Variants in NELFB observed in about 807,000 individuals in gnomAD.
The protein encoded by NELFB is negative elongation factor B.
Under a neutral mutation model 60.2 loss-of-function variants are expected in NELFB, and 34 were observed. The ratio of observed to expected loss-of-function variants is 0.56; its 90% CI spans 0.43 to 0.75. The LOEUF is 0.75. Ranked by LOEUF, NELFB falls within the 30% of genes least tolerant of loss-of-function variation. The pLI, the probability that NELFB is intolerant of heterozygous loss-of-function variation, is 0.00. For synonymous variants in NELFB, 459 were observed against 382.1 expected, an observed-to-expected ratio of 1.20 and a Z score of -2.35; for missense variants, 770 against 831.6, an observed-to-expected ratio of 0.93 and a Z score of 0.91.
At chr9:137,264,160 C>A (rs1830490520) in intron 5 of NELFB, 85 bp from the exon 6 acceptor site, 1 of 1,025,796 alleles carries the variant, frequency 9.7e-7, no homozygotes, top group Non-Finnish European at 1.5e-6. Context: ...AACAAGAGGC[C>A]AGGGCCTGGA....
In NELFB at chr9:137,267,273, G is replaced by A. The variant is rs1246539046; in HGVS notation, c.1416G>A (p.Val472=). ...AGGAGCAGCGCATGGCCTGCGAGGTGGGGCTGTACTACGTCCTGCACATCA... is the reference window on the plus strand; with the variant it reads ...AGGAGCAGCGCATGGCCTGCGAGGTAGGGCTGTACTACGTCCTGCACATCA... Residue 472 remains valine (V), a synonymous_variant, in exon 10 of 13, where the codon GTG becomes GTA. Coordinates refer to ENST00000343053, the MANE Select transcript of NELFB (RefSeq NM_015456.5). The A allele has an allele frequency of 1.2e-6, 2 of 1,613,458 alleles. No homozygotes were observed. The highest frequency in any genetic ancestry group is 1.7e-5 in the Admixed American group (1 of 60,000).
intron 10 of NELFB, 47 bp from the exon 11 acceptor site, chr9:137,272,034 G>A: frequency 6.2e-7 from 1 of 1,610,726 alleles, no homozygotes; most frequent in Non-Finnish European, 8.5e-7. Flanking sequence ...TGCCCTCTGG[G>A]GTGGGCAGGG....
intron 10 of NELFB, among the ~76,000 whole-genome samples, 189 bp downstream of exon 10, chr9:137,267,535 C>CAGGCTGG (rs1830536804): frequency 6.6e-6 from 1 of 150,850 alleles, no homozygotes; most frequent in Admixed American, 6.6e-5. Flanking sequence ...CTCTGTCGCC[C>CAGGCTGG]AGGCTGGAGT....
intron 6 of NELFB, 125 bp downstream of exon 6, chr9:137,264,482 T>C: frequency 2.8e-6 from 2 of 724,472 alleles, no homozygotes; most frequent in South Asian, 3.4e-5. Flanking sequence ...TTTGTTTTTT[T>C]CGAGACAGAG....
At position 137,256,827 on chromosome 9, in the gene NELFB, C is replaced by T. The variant is rs762941941; in HGVS notation, c.514C>T (p.Pro172Ser). Residue 172 changes from proline (P) to serine (S), a missense_variant, in exon 4 of 13, where the codon CCG becomes TCG. Pro to Ser is a moderately conservative substitution (Grantham distance 74, BLOSUM62 -1). Transcript: ENST00000343053. ...GGCAGCCTGTGGTGTCATGTAGGTTCCGGAGAAAAAACTGAAGCTGGTTAT... is the reference window on the plus strand; with the variant it reads ...GGCAGCCTGTGGTGTCATGTAGGTTTCGGAGAAAAAACTGAAGCTGGTTAT... 12 of 1,613,974 alleles carry T rather than the reference C, an allele frequency of 7.4e-6. No individual in the cohort carries two copies. The highest frequency in any genetic ancestry group is 9.3e-6 in the Non-Finnish European group (11 of 1,179,946).
At chr9:137,270,420 A>G (rs542870498) in intron 10 of NELFB, among the ~76,000 whole-genome samples, 1 of 151,120 alleles carries the variant, frequency 6.6e-6, no homozygotes, top group Admixed American at 6.6e-5. Context: ...GTGGAATCCC[A>G]TCTCTATTAA....
At chr9:137,265,801 C>T (rs1830510877) in intron 6 of NELFB, 76 bp from the exon 7 acceptor site, 2 of 961,642 alleles carry the variant, frequency 2.1e-6, no homozygotes, top group African/African-American at 3.2e-5. Flanking sequence ...CAGCCTAGGC[C>T]ACCCCTCCTG....
intron 3 of NELFB, 28 bp downstream of exon 3, chr9:137,256,456 C>G: frequency 6.3e-7 from 1 of 1,592,456 alleles, no homozygotes; most frequent in South Asian, 1.1e-5. Flanking sequence ...ACCCTGATGG[C>G]GTGGACCGTC....
At chr9:137,267,412 C>T in intron 10 of NELFB, 66 bp downstream of exon 10, 4 of 1,469,198 alleles carry the variant, frequency 2.7e-6, no homozygotes, top group Non-Finnish European at 3.7e-6. Flanking sequence ...CAGTCCTGCC[C>T]AGGGTGCGGG....
chr9:137,265,741 T>C, intron 6 of NELFB, 136 bp from the exon 7 acceptor site: 1 of 645,960 alleles, frequency 1.5e-6, no homozygotes, highest in Non-Finnish European at 2.9e-6. Context: ...TCCTTAAGCT[T>C]TTTGTAAGAA....
intron 4 of NELFB, 129 bp downstream of exon 4, chr9:137,257,183 G>A: frequency 1.3e-6 from 1 of 752,176 alleles, no homozygotes; most frequent in Non-Finnish European, 2.1e-6. Context: ...TTGGCTGGGT[G>A]GTGGGGGAGG....
intron 3 of NELFB, 115 bp downstream of exon 3, chr9:137,256,543 A>G (rs2131472655): frequency 1.1e-6 from 1 of 924,390 alleles, no homozygotes; most frequent in Non-Finnish European, 1.7e-6. Flanking sequence ...CTGCCTGCCC[A>G]AGTGCTGTCC....
chr9:137,263,144 C>T lies in NELFB; in HGVS notation c.849C>T (p.Cys283=). 1 of 1,614,086 alleles carries T rather than the reference C, an allele frequency of 6.2e-7. No individual in the cohort carries two copies. The highest frequency in any genetic ancestry group is 8.5e-7 in the Non-Finnish European group (1 of 1,180,000). ...TGCGCACGCGGAATGTGCACTACTG[C>T]ACGCTGCGGGCTGAGCTGCTCATGT... Residue 283 remains cysteine (C), a synonymous_variant, in exon 5 of 13, where the codon TGC becomes TGT. Coordinates refer to ENST00000343053, the MANE Select transcript of NELFB (RefSeq NM_015456.5).
At chr9:137,259,340 G>T (rs1262470941) in intron 4 of NELFB, among the ~76,000 whole-genome samples, 1 of 152,186 alleles carries the variant, frequency 6.6e-6, no homozygotes, top group Non-Finnish European at 1.5e-5. Context: ...GTTCCCTTCG[G>T]GCCGTGGTTC....
At chr9:137,265,387 C>CTTTTTTTTTTTTTTTTTTTTTT (rs66744887) in intron 6 of NELFB, among the ~76,000 whole-genome samples, 2 of 91,832 alleles carry the variant, frequency 2.2e-5, no homozygotes, top group South Asian at 4.6e-4. Flanking sequence ...AAACCTTAAG[C>CTTTTTTTTTTTTTTTTTTTTTT]TTTTTTTTTT....
At chr9:137,265,726 G>A (rs571456323) in intron 6 of NELFB, 151 bp from the exon 7 acceptor site, 2 of 601,022 alleles carry the variant, frequency 3.3e-6, no homozygotes, top group Non-Finnish European at 3.1e-6. Flanking sequence ...CGCCGCGCTC[G>A]GCCATCCTTA....
In NELFB at chr9:137,273,088, G is replaced by A. The variant is rs1335694181; in HGVS notation, c.*160G>A. ...GGCCCCCTGCTTCCTGCTCCTTGGA[G>A]CTGGCTCCCGGACCTTGCCCACCAT... On this transcript the variant is annotated 3_prime_UTR_variant, in exon 13 of 13. Transcript: ENST00000343053. The A allele has an allele frequency of 7.5e-6, 6 of 797,672 alleles. No homozygotes were observed. The highest frequency in any genetic ancestry group is 5.3e-5 in the African/African-American group (3 of 56,306). 49.4% of individuals were successfully genotyped at this position (797,672 alleles called of 1,614,324 possible).
Position 137,272,553 on chromosome 9 carries a change from C to G in NELFB, c.1678C>G (p.His560Asp). 1 of 1,612,354 alleles carries G rather than the reference C, an allele frequency of 6.2e-7. No individual in the cohort carries two copies. ...CGCGCTGCGGCTCCTCATTCACCTG[C>G]ACCCCAGGGTGGCCCCGTCTAAGCT... Residue 560 changes from histidine to aspartate, a missense_variant, in exon 12 of 13, where the codon CAC becomes GAC. His to Asp is a moderately conservative substitution (Grantham distance 81, BLOSUM62 -1). Coordinates refer to ENST00000343053, the MANE Select transcript of NELFB (RefSeq NM_015456.5).
chr9:137,264,756 C>T (rs981262872), intron 6 of NELFB, among the ~76,000 whole-genome samples: 4 of 152,028 alleles, frequency 2.6e-5, no homozygotes, highest in African/African-American at 7.2e-5. Context: ...CATGCGCCAC[C>T]GTGCCTGGCC....
Sources: allele counts gnomAD v4.1 joint callset (sites outside exome capture counted in the v4.1 genomes callset), GRCh38; gene constraint gnomAD v4.1.1; transcripts MANE v1.5; gene names NCBI Gene and HGNC (gene_info 2026-07-23, HGNC 2026-07-21).